Variants in PIWIL4 observed in about 807,000 individuals in gnomAD.
PIWIL4 encodes piwi like RNA-mediated gene silencing 4.
PIWIL4 carries 50 observed loss-of-function variants against 100.9 expected under a neutral mutation model. The observed-to-expected ratio is 0.50, with a 90% confidence interval of 0.39 to 0.63. PIWIL4 has a LOEUF of 0.63. Among genes scored for constraint, PIWIL4 ranks in the 20% least tolerant of loss-of-function variants. The pLI is 0.00. For synonymous variants in PIWIL4, 342 were observed against 367.5 expected (o/e 0.93, Z 0.79); for missense variants, 887 against 1,043.3 (o/e 0.85, Z 2.06).
intron 2 of PIWIL4, among the ~76,000 whole-genome samples, chr11:94,571,149 A>T (rs1001605859): frequency 6.6e-6 from 1 of 152,232 alleles, no homozygotes; most frequent in Non-Finnish European, 1.5e-5. Flanking sequence ...GCAGCCTCTG[A>T]GCACAGAAGC....
rs1948253516 is a variant in PIWIL4 at position 94,577,458 on chromosome 11, C to A, written c.479C>A (p.Ala160Asp). Reference protein sequence around the residue: ...LSNKAKAFDGAILFLSQKLEE... With the variant: ...LSNKAKAFDGDILFLSQKLEE... ...AACAAAGCAAAAGCATTCGACGGTG[C>A]CATCCTTTTTCTGTCACAAAAGCTA... The change falls in exon 4 of 20, where the codon GCC (alanine) becomes GAC (aspartate). Residue 160 changes from alanine to aspartate, a missense_variant. Physicochemically the swap from Ala to Asp is moderately radical, Grantham distance 126. Transcript: ENST00000299001. The A allele has an allele frequency of 1.2e-6, 2 of 1,613,366 alleles. No individual in the cohort carries two copies. The highest frequency in any genetic ancestry group is 1.7e-6 in the Non-Finnish European group (2 of 1,179,694).
chr11:94,568,839 C>T (rs778276864), intron 2 of PIWIL4, 31 bp downstream of exon 2: 8 of 1,551,616 alleles, frequency 5.2e-6, no homozygotes, highest in Non-Finnish European at 6.2e-6. Flanking sequence ...TCATTTAGTA[C>T]CATTCAACCT....
At chr11:94,568,248 G>T (rs1948103309) in intron 1 of PIWIL4, among the ~76,000 whole-genome samples, 2 of 152,098 alleles carry the variant, frequency 1.3e-5, no homozygotes, top group Admixed American at 1.3e-4. Flanking sequence ...GTAACTTCTT[G>T]AACAAAGAGA....
chr11:94,596,295 TGGA>T (rs367941076), intron 10 of PIWIL4, among the ~76,000 whole-genome samples: 81 of 151,554 alleles, frequency 5.3e-4, no homozygotes, highest in African/African-American at 1.9e-3. Flanking sequence ...TACTAGCTCA[TGGA>T]GGATTTGGAA....
chr11:94,617,986 G>T lies in PIWIL4; in HGVS notation c.2047G>T (p.Asp683Tyr). 6.2e-7 allele frequency: 1 copy of T among 1,613,862 alleles called. No individual in the cohort carries two copies. Among genetic ancestry groups the T allele is most frequent in the South Asian group, 1.1e-5 (1 of 91,038 alleles). ...ALNKWYKYNH[D>Y]LPARIIVYRA... ...CAACAAATGGTACAAGTACAATCAT[G>T]ATTTGCCAGCACGGATAATTGTGTA... is the stretch of plus-strand genomic sequence containing the variant. Residue 683 changes from aspartate (D) to tyrosine (Y), a missense_variant, in exon 17 of 20, where the codon GAT becomes TAT. Physicochemically the swap from Asp to Tyr is radical, Grantham distance 160. Around this residue, in one of 2 missense-constraint regions of PIWIL4, gnomAD observed 741 missense variants for 930.0 expected, o/e 0.80. Coordinates refer to ENST00000299001, the MANE Select transcript of PIWIL4 (RefSeq NM_152431.3).
At chr11:94,587,832 G>T (rs1278447340) in intron 7 of PIWIL4, among the ~76,000 whole-genome samples, 2 of 152,092 alleles carry the variant, frequency 1.3e-5, no homozygotes, top group Admixed American at 1.3e-4. Flanking sequence ...CAACCTCTAG[G>T]TTTATGTATA....
chr11:94,610,157 T>C (rs1948772468), intron 15 of PIWIL4, among the ~76,000 whole-genome samples: 1 of 152,114 alleles, frequency 6.6e-6, no homozygotes. Context: ...TTTTACTTAA[T>C]ATAATGTCCG....
At chr11:94,569,067 A>G (rs1427352514) in intron 2 of PIWIL4, among the ~76,000 whole-genome samples, 1 of 152,228 alleles carries the variant, frequency 6.6e-6, no homozygotes, top group African/African-American at 2.4e-5. Context: ...AGGATTTTGA[A>G]AAAATGCTTT....
chr11:94,569,474 GT>G (rs1948118445), intron 2 of PIWIL4, among the ~76,000 whole-genome samples: 1 of 152,136 alleles, frequency 6.6e-6, no homozygotes, highest in Non-Finnish European at 1.5e-5. Flanking sequence ...CACCTCCCAG[GT>G]TCAAGTGATT....
At chr11:94,571,042 T>TC (rs985618828) in intron 2 of PIWIL4, among the ~76,000 whole-genome samples, 1 of 152,100 alleles carries the variant, frequency 6.6e-6, no homozygotes, top group African/African-American at 2.4e-5. Flanking sequence ...GAGGGTCTGG[T>TC]CCCCCCACCC....
At position 94,616,579 on chromosome 11, in the gene PIWIL4, C is replaced by T. The variant is rs1211775041; in HGVS notation, c.2014+16C>T. ...TTCATGACTGGTACTAAAAATATAG[C>T]AATGTGGGTGGGCTCCAAGGACTGT... On this transcript the variant is annotated intron_variant, in intron 16 of 19. Transcript: ENST00000299001. The T allele has an allele frequency of 2.5e-6, 4 of 1,584,056 alleles. No individual in the cohort carries two copies. Among genetic ancestry groups the T allele is most frequent in the African/African-American group, 1.4e-5 (1 of 73,692 alleles).
At position 94,583,038 on chromosome 11, in the gene PIWIL4, A is replaced by ATGTG. The variant is rs1185966279; in HGVS notation, c.514-409_514-408insGTGT. Among the ~76,000 whole-genome samples the ATGTG allele has an allele frequency of 3.8e-3, 392 of 104,106 alleles. 5 individuals are homozygous for ATGTG. Among genetic ancestry groups the ATGTG allele is most frequent in the African/African-American group, 0.016 (373 of 23,878 alleles). 68.3% of individuals were successfully genotyped at this position (104,106 alleles called of 152,430 possible). On this transcript the variant is annotated intron_variant, in intron 4 of 19. Coordinates refer to ENST00000299001, the MANE Select transcript of PIWIL4 (RefSeq NM_152431.3). ...GTACACTGTTGTGGTGTGTGTATAT[A>ATGTG]TATATATGTGTGTGTGTGTGTGTGT...
chr11:94,571,930 C>T (rs1948160322), intron 2 of PIWIL4, among the ~76,000 whole-genome samples: 4 of 152,188 alleles, frequency 2.6e-5, no homozygotes, highest in Admixed American at 2.6e-4. Flanking sequence ...TATATTTCCC[C>T]ACATCCTCTC....
chr11:94,587,874 G>A (rs1469596863), intron 7 of PIWIL4, among the ~76,000 whole-genome samples: 1 of 152,110 alleles, frequency 6.6e-6, no homozygotes, highest in Non-Finnish European at 1.5e-5. Flanking sequence ...ATTGAGCTGA[G>A]TTAAACACGG....
chr11:94,590,389 TTCTA>T (rs1565275282), intron 8 of PIWIL4, among the ~76,000 whole-genome samples: 1 of 152,202 alleles, frequency 6.6e-6, no homozygotes, highest in Non-Finnish European at 1.5e-5. Flanking sequence ...TTTCAGGTTG[TTCTA>T]TCTTAGTCTC....
intron 8 of PIWIL4, 31 bp downstream of exon 8, chr11:94,589,263 CT>C (rs1309700587): frequency 1.3e-6 from 2 of 1,522,184 alleles, no homozygotes; most frequent in Non-Finnish European, 1.8e-6. Flanking sequence ...TCTCTATCTC[CT>C]TTTCTTTTAC....
At chr11:94,584,990 G>A (rs532071923) in intron 5 of PIWIL4, among the ~76,000 whole-genome samples, 4 of 152,308 alleles carry the variant, frequency 2.6e-5, no homozygotes, top group East Asian at 3.9e-4. Flanking sequence ...CGCTTAACCC[G>A]GGAGGCGGAG....
Position 94,621,133 on chromosome 11 carries a change from A to AC in PIWIL4, c.*142dup. 1 of 580,400 alleles carries AC rather than the reference A, an allele frequency of 1.7e-6. No homozygotes were observed. The highest frequency in any genetic ancestry group is 2.5e-5 in the South Asian group (1 of 39,228). The allele number at this position is 580,400 out of a possible 1,614,324, so 36.0% of individuals were successfully genotyped here. On this transcript the variant is annotated 3_prime_UTR_variant, in exon 20 of 20. Transcript: ENST00000299001. ...CATGTCTAGGAAAAAAAGCAAAACA[A>AC]CTTAATCTGAAACAGTTTTAAAAAA... is the stretch of plus-strand genomic sequence containing the variant.
At position 94,621,353 on chromosome 11, in the gene PIWIL4, G is replaced by A. The variant is rs1335885920; in HGVS notation, c.*361G>A. 5 of 182,846 alleles carry A rather than the reference G, an allele frequency of 2.7e-5. No homozygotes were observed. Among genetic ancestry groups the A allele is most frequent in the Middle Eastern group, 2.4e-3 (1 of 416 alleles). The allele number at this position is 182,846 out of a possible 1,614,324, so 11.3% of individuals were successfully genotyped here. ...TAATTCCCACCCCAAATTTTGCTGA[G>A]GTTTTCTTAATGTTGTAGAGCATTT... On this transcript the variant is annotated 3_prime_UTR_variant, in exon 20 of 20. Coordinates refer to ENST00000299001, the MANE Select transcript of PIWIL4 (RefSeq NM_152431.3).
Sources: allele counts gnomAD v4.1 joint callset (sites outside exome capture counted in the v4.1 genomes callset), GRCh38; gene constraint gnomAD v4.1.1; regional missense constraint gnomAD v4.1.1; transcripts MANE v1.5; gene names NCBI Gene and HGNC (gene_info 2026-07-23, HGNC 2026-07-21).